The following ITPRIP variants were observed in gnomAD, a reference collection of about 807,000 sequenced individuals.
ITPRIP encodes inositol 1,4,5-trisphosphate receptor interacting protein.
A neutral mutation model predicts 35.8 loss-of-function variants in ITPRIP; 32 were observed. The ratio of observed to expected loss-of-function variants is 0.89; its 90% CI spans 0.68 to 1.20. The LOEUF is 1.20. Among genes scored for constraint, ITPRIP ranks in the 50% most tolerant of loss-of-function variants. The pLI, the probability that ITPRIP is intolerant of heterozygous loss-of-function variation, is 0.00. For missense variants in ITPRIP, 653 were observed against 735.6 expected (o/e 0.89, Z 1.30); for synonymous variants, 358 against 324.0 (o/e 1.11, Z -1.13).
chr10:104,315,396 G>A lies in ITPRIP; in HGVS notation c.656C>T (p.Pro219Leu), dbSNP rs1446320316. ...HLFVPFTPPE[P>L]YRFHPELWCS... ...CCAGAGCTCTGGGTGGAAGCGGTAG[G>A]GCTCGGGGGGTGTGAAGGGCACGAA... Residue 219 changes from proline to leucine, a missense_variant, in exon 2 of 2, where the codon CCC becomes CTC. Coordinates refer to ENST00000337478, the MANE Select transcript of ITPRIP (RefSeq NM_001272013.2). This position sits in a 1 kb window ranked among gnomAD's most constrained non-coding sequence, Gnocchi z 5.7. 2.5e-6 allele frequency: 4 copies of A among 1,577,146 alleles called. No homozygotes were observed. The East Asian group carries it at 6.7e-5, about 27-fold the overall frequency.
chr10:104,322,736 G>A (rs72825860), intron 1 of ITPRIP, among the ~76,000 whole-genome samples: 3,717 of 152,304 alleles, frequency 0.024, 49 homozygotes, highest in African/African-American at 0.035. Flanking sequence ...TGGCCCTGGC[G>A]TCACGTTCAG....
chr10:104,312,933 A>T lies in ITPRIP; in HGVS notation c.*1475T>A, dbSNP rs1392301635. 1 of 985,184 alleles carries T rather than the reference A, an allele frequency of 1.0e-6. No homozygotes were observed. Among genetic ancestry groups the T allele is most frequent in the African/African-American group, 1.7e-5 (1 of 57,238 alleles). 61.0% of individuals were successfully genotyped at this position (985,184 alleles called of 1,614,324 possible). On this transcript the variant is annotated 3_prime_UTR_variant, in exon 2 of 2. Transcript: ENST00000337478. ...TAACTGAAGTAACGGTGAGATAGGA[A>T]ATCTCAAAGGGCCAGTGAAGCCACA...
Position 104,314,170 on chromosome 10 carries a change from T to C in ITPRIP, c.*238A>G, listed in dbSNP as rs1157922444. 2 of 1,316,440 alleles carry C rather than the reference T, an allele frequency of 1.5e-6. No individual in the cohort carries two copies. Among genetic ancestry groups the C allele is most frequent in the African/African-American group, 1.5e-5 (1 of 67,358 alleles). The allele number at this position is 1,316,440 out of a possible 1,614,324, so 81.5% of individuals were successfully genotyped here. ...TGATCCAGAAGTAAACTGCAAGGGA[T>C]CAGTCCCTAAACCCAAATAACAGCT... On this transcript the variant is annotated 3_prime_UTR_variant, in exon 2 of 2. Transcript: ENST00000337478.
chr10:104,315,183 G>C lies in ITPRIP; in HGVS notation c.869C>G (p.Thr290Arg), dbSNP rs760307638. ...CATCGTGTCCAGGTACAGGGAATCT[G>C]TGGCACACAGCAGGTTCTCCATGTC... is the stretch of plus-strand genomic sequence containing the variant. ...CGDMENLLCA[T>R]DSLYLDTMQV... Residue 290 changes from threonine (T) to arginine (R), a missense_variant, in exon 2 of 2, where the codon ACA (threonine) becomes AGA (arginine). Transcript: ENST00000337478. The surrounding 1 kb of genome is among the most constrained non-coding windows in gnomAD (Gnocchi z 5.7). 3 of 1,614,044 alleles carry C rather than the reference G, an allele frequency of 1.9e-6. No individual in the cohort carries two copies. The African/African-American group carries it at 4.0e-5, about 22-fold the overall frequency.
rs574005567 is a variant in ITPRIP at position 104,314,846 on chromosome 10, G to A, written c.1206C>T (p.Gly402=). 32 of 1,613,778 alleles carry A rather than the reference G, an allele frequency of 2.0e-5. No individual in the cohort carries two copies. The highest frequency in any genetic ancestry group is 1.8e-4 in the Admixed American group (11 of 60,020). The change falls in exon 2 of 2, where the codon GGC becomes GGT. Residue 402 remains glycine, a synonymous_variant. Coordinates refer to ENST00000337478, the MANE Select transcript of ITPRIP (RefSeq NM_001272013.2). ...LRTTLKALPE[G]ACHLSCLQIA... ...TCTGCAGGCAGCTGAGGTGGCAGGC[G>A]CCCTCGGGCAGTGCCTTTAGTGTCG...
At chr10:104,316,731 A>G (rs1213117258) in intron 1 of ITPRIP, among the ~76,000 whole-genome samples, 1 of 152,172 alleles carries the variant, frequency 6.6e-6, no homozygotes, top group Non-Finnish European at 1.5e-5. Context: ...TTTTTAAGTC[A>G]GTTTGAGTGG....
rs777608152 is a variant in ITPRIP, at chr10:104,315,892, G to A, written c.160C>T (p.Arg54Cys). 4.3e-6 allele frequency: 7 copies of A among 1,613,664 alleles called. No individual in the cohort carries two copies. The Admixed American group carries it at 6.7e-5, about 15-fold the overall frequency. ...HQEKLQLEQL[R>C]LEEEVARLAA... ...AGCCGAGCCACCTCCTCCTCCAGGC[G>A]CAACTGCTCCAGCTGCAGCTTCTCC... The change falls in exon 2 of 2, where the codon CGC (arginine) becomes TGC (cysteine). Residue 54 changes from arginine (R) to cysteine (C), a missense_variant. Transcript: ENST00000337478. The surrounding 1 kb of genome is among the most constrained non-coding windows in gnomAD (Gnocchi z 5.7).
In ITPRIP at chr10:104,314,570, C is replaced by T; in HGVS notation, c.1482G>A (p.Val494=). Reference sequence around the variant, plus strand: ...AGAGGTTGAGGGGCTCGGCCCTGAGCACGGCCTCAGGGAGTCCCATGGCCT... The same window carrying T: ...AGAGGTTGAGGGGCTCGGCCCTGAGTACGGCCTCAGGGAGTCCCATGGCCT... ...VPEAMGLPEA[V]LRAEPLNLFR... is the part of the protein sequence containing the mutation. Residue 494 remains valine, a synonymous_variant, in exon 2 of 2, where the codon GTG becomes GTA. Coordinates refer to ENST00000337478, the MANE Select transcript of ITPRIP (RefSeq NM_001272013.2). 3 of 1,614,196 alleles carry T rather than the reference C, an allele frequency of 1.9e-6. No homozygotes were observed. Among genetic ancestry groups the T allele is most frequent in the Non-Finnish European group, 2.5e-6 (3 of 1,180,036 alleles).
At chr10:104,337,789 A>G (rs538984575) in intron 1 of ITPRIP, among the ~76,000 whole-genome samples, 2 of 152,124 alleles carry the variant, frequency 1.3e-5, no homozygotes, top group Non-Finnish European at 2.9e-5. Flanking sequence ...CCTCCCTTAC[A>G]GGAAGGGAGG....
intron 1 of ITPRIP, among the ~76,000 whole-genome samples, chr10:104,336,778 C>CA (rs1310199042): frequency 6.6e-6 from 1 of 152,194 alleles, no homozygotes; most frequent in African/African-American, 2.4e-5. Flanking sequence ...CTTAGGACCC[C>CA]AAGCTCAGGA....
Position 104,314,600 on chromosome 10 carries a change from C to A in ITPRIP, c.1452G>T (p.Val484=). ...LHHFFIGNRK[V]PEAMGLPEAV... is the part of the protein sequence containing the mutation. ...CCTCAGGGAGTCCCATGGCCTCAGGCACCTTGCGGTTGCCGATGAAGAAGT... is the reference window on the plus strand; with the variant it reads ...CCTCAGGGAGTCCCATGGCCTCAGGAACCTTGCGGTTGCCGATGAAGAAGT... Residue 484 remains valine, a synonymous_variant, in exon 2 of 2, where the codon GTG becomes GTT. Transcript: ENST00000337478. 2 of 1,614,186 alleles carry A rather than the reference C, an allele frequency of 1.2e-6. No homozygotes were observed. Among genetic ancestry groups the A allele is most frequent in the Middle Eastern group, 1.6e-4 (1 of 6,062 alleles).
Position 104,315,803 on chromosome 10 carries a change from G to T in ITPRIP, c.249C>A (p.Arg83=), listed in dbSNP as rs374001819. The T allele has an allele frequency of 6.2e-7, 1 of 1,613,742 alleles. No homozygotes were observed. The highest frequency in any genetic ancestry group is 8.5e-7 in the Non-Finnish European group (1 of 1,179,854). The part of the protein sequence containing the change: ...AEEGRQQNET[R]VAWDLWSTLC... ...GGGTGCTCCAGAGGTCCCAGGCCAC[G>T]CGTGTCTCGTTCTGCTGCCTGCCCT... Residue 83 remains arginine (R), a synonymous_variant, in exon 2 of 2, where the codon CGC becomes CGA. Transcript: ENST00000337478. The surrounding 1 kb of genome is among the most constrained non-coding windows in gnomAD (Gnocchi z 5.7).
intron 1 of ITPRIP, among the ~76,000 whole-genome samples, chr10:104,322,828 G>A (rs1475708082): frequency 5.9e-5 from 9 of 152,206 alleles, no homozygotes; most frequent in Admixed American, 1.3e-4. Context: ...ACTTTTAGCC[G>A]AGGCCTTGGG....
At position 104,314,543 on chromosome 10, in the gene ITPRIP, G is replaced by T. The variant is rs2013577715; in HGVS notation, c.1509C>A (p.Phe503Leu). The T allele has an allele frequency of 1.9e-6, 3 of 1,614,084 alleles. No individual in the cohort carries two copies. Among genetic ancestry groups the T allele is most frequent in the Non-Finnish European group, 2.5e-6 (3 of 1,180,050 alleles). ...GGCTTCGCTGCAGGACGAAGGGCCG[G>T]AAGAGGTTGAGGGGCTCGGCCCTGA... ...AVLRAEPLNL[F>L]RPFVLQRSLY... Residue 503 changes from phenylalanine (F) to leucine (L), a missense_variant, in exon 2 of 2, where the codon TTC (phenylalanine) becomes TTA (leucine). Transcript: ENST00000337478.
intron 1 of ITPRIP, among the ~76,000 whole-genome samples, chr10:104,332,934 G>A (rs1440301849): frequency 2.0e-5 from 3 of 152,186 alleles, no homozygotes; most frequent in Non-Finnish European, 2.9e-5. Flanking sequence ...TCATCATAAC[G>A]CTCCACGAGG....
rs2135174779 is a variant in ITPRIP, at chr10:104,313,991, C to G, written c.*417G>C. 1 of 1,004,496 alleles carries G rather than the reference C, an allele frequency of 1.0e-6. No homozygotes were observed. The highest frequency in any genetic ancestry group is 1.2e-6 in the Non-Finnish European group (1 of 841,012). 62.2% of individuals were successfully genotyped at this position (1,004,496 alleles called of 1,614,324 possible). On this transcript the variant is annotated 3_prime_UTR_variant, in exon 2 of 2. Coordinates refer to ENST00000337478, the MANE Select transcript of ITPRIP (RefSeq NM_001272013.2). ...TGGGAATAGGGGTGCTGGGTCTTAA[C>G]ACGGTTCCCTGTCAGCATTCTTGTA...
intron 1 of ITPRIP, 63 bp from the exon 2 acceptor site, chr10:104,316,127 C>A: frequency 7.4e-7 from 1 of 1,356,646 alleles, no homozygotes; most frequent in Non-Finnish European, 9.8e-7. Flanking sequence ...TCCCTGGGCC[C>A]CGCACCAACC....
intron 1 of ITPRIP, among the ~76,000 whole-genome samples, 174 bp downstream of exon 1, chr10:104,338,072 T>A (rs2014276512): frequency 2.0e-5 from 3 of 152,100 alleles, no homozygotes; most frequent in Admixed American, 2.0e-4. Context: ...CACGCGCGCT[T>A]TAAGGGAAGG....
chr10:104,337,444 C>A (rs1265536638), intron 1 of ITPRIP, among the ~76,000 whole-genome samples: 3 of 152,148 alleles, frequency 2.0e-5, no homozygotes, highest in Non-Finnish European at 4.4e-5. Context: ...AAATGAGGCC[C>A]CTGCCTGGTT....
Sources: allele counts gnomAD v4.1 joint callset (sites outside exome capture counted in the v4.1 genomes callset), GRCh38; gene constraint gnomAD v4.1.1; non-coding constraint Gnocchi (gnomAD v3.1); transcripts MANE v1.5; gene names NCBI Gene and HGNC (gene_info 2026-07-23, HGNC 2026-07-21).